DNAH11: variants seen among roughly 807,000 people sequenced by gnomAD.
DNAH11 encodes the protein axonemal beta dynein heavy chain 11.
Under a neutral mutation model 526.0 loss-of-function variants are expected in DNAH11, and 442 were observed. The ratio of observed to expected loss-of-function variants is 0.84; its 90% CI spans 0.78 to 0.91. DNAH11 has a LOEUF of 0.91. Among genes scored for constraint, DNAH11 ranks in the 40% least tolerant of loss-of-function variants. The pLI is 0.00. For synonymous variants in DNAH11, 2,461 were observed against 1,935.9 expected (o/e 1.27, Z -7.12); for missense variants, 6,989 against 5,448.7 (o/e 1.28, Z -8.90).
intron 61 of DNAH11, among the ~76,000 whole-genome samples, chr7:21,800,378 T>C: frequency 6.6e-6 from 1 of 152,286 alleles, no homozygotes; most frequent in Middle Eastern, 3.4e-3. Context: ...ATGCCTGTAA[T>C]CCCAGCACTT....
chr7:21,750,259 C>G lies in DNAH11; in HGVS notation c.8835C>G (p.Asp2945Glu), dbSNP rs1398439669. Residue 2945 changes from aspartate to glutamate, a missense_variant, in exon 54 of 82, where the codon GAC becomes GAG. Asp to Glu is a conservative substitution (Grantham distance 45). Coordinates refer to ENST00000409508, the MANE Select transcript of DNAH11 (RefSeq NM_001277115.2). ...ATCTGTTCAGCGATGAAGATGTGGACAAGATAATTTCTGGAATTCATAATG... is the reference window on the plus strand; with the variant it reads ...ATCTGTTCAGCGATGAAGATGTGGAGAAGATAATTTCTGGAATTCATAATG... ...IPDLFSDEDV[D>E]KIISGIHNEV... The G allele has an allele frequency of 6.2e-7, 1 of 1,606,016 alleles. No homozygotes were observed. Among genetic ancestry groups the G allele is most frequent in the African/African-American group, 1.3e-5 (1 of 74,942 alleles).
chr7:21,615,129 G>A lies in DNAH11; in HGVS notation c.3868G>A (p.Glu1290Lys). 1 of 1,611,578 alleles carries A rather than the reference G, an allele frequency of 6.2e-7. No homozygotes were observed. The highest frequency in any genetic ancestry group is 8.5e-7 in the Non-Finnish European group (1 of 1,178,920). Residue 1290 changes from glutamate (E) to lysine (K), a missense_variant, in exon 21 of 82, where the codon GAG becomes AAG. Glu to Lys is a moderately conservative substitution (Grantham distance 56). Transcript: ENST00000409508. ...CTCTCCTTAGGCAAATGAAGAGCTT[G>A]AGGCCTTAGAAGAAGAAATGTTGCA... ...TALDKANEEL[E>K]ALEEEMLQMQ...
chr7:21,900,110 C>A lies in DNAH11; in HGVS notation c.13293C>A (p.Leu4431=), dbSNP rs1784708068. ...PPREGAYLHG[L]FMEGARWDTQ... ...GGGAAGGTGCATACCTCCACGGACT[C>A]TTCATGGAGGGTAAGACACCCCAAG... is the stretch of plus-strand genomic sequence containing the variant. The change falls in exon 81 of 82, where the codon CTC becomes CTA. Residue 4431 remains leucine, a synonymous_variant. Transcript: ENST00000409508. 2 of 1,612,844 alleles carry A rather than the reference C, an allele frequency of 1.2e-6. No individual in the cohort carries two copies. The highest frequency in any genetic ancestry group is 1.7e-6 in the Non-Finnish European group (2 of 1,179,302).
Position 21,600,135 on chromosome 7 carries a change from A to G in DNAH11, c.3000+16A>G. On this transcript the variant is annotated intron_variant, in intron 15 of 81. Coordinates refer to ENST00000409508, the MANE Select transcript of DNAH11 (RefSeq NM_001277115.2). The stretch of plus-strand genomic sequence containing the variant: ...AAATTATCAGGTATTTTCTTAGTAA[A>G]TGGGTATTTAGCTTTTATATTAATG... 1 of 1,528,446 alleles carries G rather than the reference A, an allele frequency of 6.5e-7. No homozygotes were observed. The highest frequency in any genetic ancestry group is 8.8e-7 in the Non-Finnish European group (1 of 1,137,304). 94.7% of individuals were successfully genotyped at this position (1,528,446 alleles called of 1,614,324 possible).
intron 68 of DNAH11, among the ~76,000 whole-genome samples, chr7:21,855,838 A>T (rs1782826251): frequency 6.6e-6 from 1 of 152,196 alleles, no homozygotes; most frequent in Non-Finnish European, 1.5e-5. Flanking sequence ...ATATATATGT[A>T]CACATAGATA....
At chr7:21,787,361 C>A (rs1368790504) in intron 59 of DNAH11, 40 bp from the exon 60 acceptor site, 4 of 1,556,880 alleles carry the variant, frequency 2.6e-6, no homozygotes, top group Non-Finnish European at 3.5e-6. Context: ...TTCTCTGCAG[C>A]CAAAATGGGT....
intron 2 of DNAH11, among the ~76,000 whole-genome samples, chr7:21,549,064 A>G (rs779660940): frequency 6.6e-5 from 10 of 152,066 alleles, no homozygotes; most frequent in Non-Finnish European, 1.2e-4. Flanking sequence ...TTTTTAGTAG[A>G]GACAGGGTTT....
intron 67 of DNAH11, among the ~76,000 whole-genome samples, chr7:21,853,659 T>A (rs1434682643): frequency 3.3e-5 from 5 of 152,202 alleles, no homozygotes; most frequent in Non-Finnish European, 1.5e-5. Context: ...TAGTCCTAGA[T>A]AAAAGAAATA....
At chr7:21,762,116 C>T (rs566998956) in intron 54 of DNAH11, among the ~76,000 whole-genome samples, 5 of 152,260 alleles carry the variant, frequency 3.3e-5, no homozygotes, top group African/African-American at 1.2e-4. Context: ...AAACCACCCC[C>T]ATGCTCCAGT....
chr7:21,555,956 G>A (rs62441666), intron 2 of DNAH11, among the ~76,000 whole-genome samples: 27,479 of 152,128 alleles, frequency 0.18, 2,535 homozygotes, highest in Middle Eastern at 0.25. Context: ...AACAGTGGAA[G>A]CAAGACTTTT....
Position 21,589,242 on chromosome 7 carries a change from C to T in DNAH11, c.2008C>T (p.Gln670Ter). 1 of 1,609,268 alleles carries T rather than the reference C, an allele frequency of 6.2e-7. No individual in the cohort carries two copies. Among genetic ancestry groups the T allele is most frequent in the East Asian group, 2.2e-5 (1 of 44,596 alleles). The change falls in exon 12 of 82, where the codon CAA (glutamine) becomes TAA (stop). Residue 670 changes from glutamine to a stop codon, truncating the protein, a stop_gained. Transcript: ENST00000409508. LOFTEE classifies it high-confidence loss of function. ...LGNPDHALVY[Q>*]KYVEMTTLLD... is the part of the protein sequence containing the mutation. ...CAATCCTGATCACGCTTTAGTTTAT[C>T]AAAAGTATGTTGAAATGACCACTTT...
chr7:21,810,463 G>A (rs1045006273), intron 63 of DNAH11, among the ~76,000 whole-genome samples: 14 of 152,270 alleles, frequency 9.2e-5, no homozygotes, highest in Middle Eastern at 3.4e-3. Context: ...GCTGGTCTCC[G>A]TTACTTTAGG....
At chr7:21,722,086 G>A (rs1413193090) in intron 44 of DNAH11, among the ~76,000 whole-genome samples, 1 of 152,166 alleles carries the variant, frequency 6.6e-6, no homozygotes, top group African/African-American at 2.4e-5. Context: ...AGTGCAAAGT[G>A]GGAATTATTC....
At chr7:21,624,136 A>G (rs1583539521) in intron 25 of DNAH11, among the ~76,000 whole-genome samples, 1 of 152,062 alleles carries the variant, frequency 6.6e-6, no homozygotes, top group East Asian at 1.9e-4. Context: ...ACACAATAAC[A>G]GGTAGTACAA....
intron 71 of DNAH11, among the ~76,000 whole-genome samples, chr7:21,867,255 T>A (rs983553305): frequency 6.6e-6 from 1 of 152,224 alleles, no homozygotes; most frequent in African/African-American, 2.4e-5. Context: ...TCAACTTCCT[T>A]CCCTATTGTG....
At chr7:21,796,209 C>T (rs1442264855) in intron 61 of DNAH11, among the ~76,000 whole-genome samples, 2 of 152,172 alleles carry the variant, frequency 1.3e-5, no homozygotes, top group African/African-American at 2.4e-5. Context: ...TTTCTTTTAA[C>T]CGTGTTATAG....
Position 21,901,810 on chromosome 7 carries a change from TTAATAA to T in DNAH11, c.*557_*562del. 1.8e-5 allele frequency: 3 copies of T among 164,246 alleles called. No individual in the cohort carries two copies. Among genetic ancestry groups the T allele is most frequent in the Non-Finnish European group, 4.0e-5 (3 of 74,736 alleles). 10.2% of individuals were successfully genotyped at this position (164,246 alleles called of 1,614,324 possible). On this transcript the variant is annotated 3_prime_UTR_variant, in exon 82 of 82. Transcript: ENST00000409508. Reference sequence around the variant, plus strand: ...TGGTCCCCTTTTGTTCAGTCAAGTTTTAATAAAAATAAAACTGTTCTACAGTTAATT... The same window carrying T: ...TGGTCCCCTTTTGTTCAGTCAAGTTTAAATAAAACTGTTCTACAGTTAATT...
chr7:21,563,055 G>T (rs936695610), intron 5 of DNAH11, among the ~76,000 whole-genome samples: 9 of 152,168 alleles, frequency 5.9e-5, no homozygotes, highest in African/African-American at 2.2e-4. Context: ...AGCCTTGGGA[G>T]CAAAATGGAA....
chr7:21,817,818 G>A (rs1365013975), intron 64 of DNAH11, among the ~76,000 whole-genome samples: 1 of 144,290 alleles, frequency 6.9e-6, no homozygotes, highest in East Asian at 1.9e-4. Context: ...GTGACTAAAT[G>A]TAAAGGTTTA....
Sources: allele counts gnomAD v4.1 joint callset (sites outside exome capture counted in the v4.1 genomes callset), GRCh38; gene constraint gnomAD v4.1.1; transcripts MANE v1.5; gene names NCBI Gene and HGNC (gene_info 2026-07-23, HGNC 2026-07-21).